Variants in JADE3 observed in about 807,000 individuals in gnomAD.
JADE3 encodes the protein jade family PHD finger 3.
JADE3 carries 2 observed loss-of-function variants against 50.1 expected under a neutral mutation model. The observed-to-expected ratio is 0.04, with a 90% CI of 0.02 to 0.13. JADE3 has a LOEUF of 0.13. Ranked by LOEUF, JADE3 falls within the 10% of genes least tolerant of loss-of-function variation. The pLI is 1.00. For missense variants in JADE3, 475 were observed against 634.4 expected (o/e 0.75, Z 2.70); for synonymous variants, 218 against 232.9 (o/e 0.94, Z 0.58).
chrX:46,953,612 A>C (rs1309529266), intron 1 of JADE3, among the ~76,000 whole-genome samples: 4 of 111,914 alleles, frequency 3.6e-5, no homozygotes, highest in Non-Finnish European at 7.5e-5. Flanking sequence ...AAGTATTTAT[A>C]TCTCTGAAAT....
intron 7 of JADE3, among the ~76,000 whole-genome samples, chrX:47,038,603 A>G (rs933751863): frequency 4.8e-5 from 5 of 103,839 alleles, no homozygotes; most frequent in Admixed American, 3.2e-4. Context: ...GTAGTAAGCC[A>G]TGATTGCACC....
At chrX:46,970,986 ATTTAC>A (rs1396099175) in intron 1 of JADE3, among the ~76,000 whole-genome samples, 8 of 110,278 alleles carry the variant, frequency 7.3e-5, no homozygotes, top group African/African-American at 2.7e-4. Context: ...TCTCTTATTG[ATTTAC>A]TTTACTCTTA....
chrX:47,029,167 G>A (rs1456658865), intron 6 of JADE3, among the ~76,000 whole-genome samples: 1 of 111,675 alleles, frequency 9.0e-6, no homozygotes, highest in African/African-American at 3.3e-5. Context: ...AGCATCATAT[G>A]CCAAGTGTTT....
At chrX:46,941,154 A>G (rs1926744763) in intron 1 of JADE3, among the ~76,000 whole-genome samples, 1 of 110,238 alleles carries the variant, frequency 9.1e-6, no homozygotes, top group Non-Finnish European at 1.9e-5. Flanking sequence ...GCTCCTGCTT[A>G]TAGACGACAA....
rs1271674612 is a variant in JADE3, at chrX:47,058,871, G to A, written c.2266G>A (p.Ala756Thr). 8.3e-7 allele frequency: 1 copy of A among 1,209,392 alleles called. No homozygotes were observed. The highest frequency in any genetic ancestry group is 1.7e-5 in the African/African-American group (1 of 57,224). The change falls in exon 11 of 11, where the codon GCA becomes ACA. Residue 756 changes from alanine to threonine, a missense_variant. Around this residue, in one of 6 missense-constraint regions of JADE3, gnomAD observed 243 missense variants for 238.2 expected, o/e 1.02. Transcript: ENST00000614628. ...FWGRQVLRRS[A>T]GRAPYQENDG... The stretch of plus-strand genomic sequence containing the variant: ...GGGTAGACAGGTTCTCAGGCGGTCT[G>A]CAGGGAGAGCTCCATATCAGGAAAA...
intron 1 of JADE3, among the ~76,000 whole-genome samples, chrX:46,969,712 C>G (rs1455445254): frequency 9.0e-6 from 1 of 111,202 alleles, no homozygotes; most frequent in Non-Finnish European, 1.9e-5. Context: ...TGGCAGGCAC[C>G]CAGCTACTCA....
At chrX:47,054,891 C>A (rs1556373089) in intron 9 of JADE3, among the ~76,000 whole-genome samples, 1 of 111,865 alleles carries the variant, frequency 8.9e-6, no homozygotes, top group Non-Finnish European at 1.9e-5. Context: ...TTTTTATTCA[C>A]TGTTGAGCCT....
intron 3 of JADE3, among the ~76,000 whole-genome samples, chrX:46,997,165 A>G (rs1302153584): frequency 1.8e-5 from 2 of 111,597 alleles, no homozygotes; most frequent in African/African-American, 6.5e-5. Flanking sequence ...ATAGTAGTTT[A>G]GCAAATTGGA....
chrX:47,058,028 A>G, intron 10 of JADE3, 139 bp from the exon 11 acceptor site: 1 of 515,919 alleles, frequency 1.9e-6, no homozygotes, highest in Non-Finnish European at 3.2e-6. Flanking sequence ...TCCAGCTGCT[A>G]CACCATGATA....
intron 4 of JADE3, among the ~76,000 whole-genome samples, chrX:47,018,173 A>T (rs1928714796): frequency 9.0e-6 from 1 of 110,699 alleles, no homozygotes; most frequent in South Asian, 3.8e-4. Context: ...GTATTTGGTC[A>T]TCTAGGCCCC....
At chrX:47,039,125 C>A in intron 8 of JADE3, 60 bp downstream of exon 8, 1 of 575,026 alleles carries the variant, frequency 1.7e-6, no homozygotes, top group Non-Finnish European at 2.9e-6. Flanking sequence ...ACTCACCCTC[C>A]CAGTGAGAGT....
At chrX:46,947,091 C>G in intron 1 of JADE3, among the ~76,000 whole-genome samples, 1 of 112,011 alleles carries the variant, frequency 8.9e-6, no homozygotes, top group Non-Finnish European at 1.9e-5. Context: ...ACAATCTCAG[C>G]TCACTGCAAC....
intron 1 of JADE3, among the ~76,000 whole-genome samples, chrX:46,941,698 A>G (rs1002339749): frequency 5.7e-5 from 6 of 105,908 alleles, no homozygotes; most frequent in Non-Finnish European, 9.7e-5. Context: ...CCACTTGTAT[A>G]TGACTTCTTT....
rs1556375101 is a variant in JADE3 at position 47,060,782 on chromosome X, G to A, written c.*1705G>A. 1 of 111,927 alleles carries A rather than the reference G, an allele frequency of 8.9e-6. No individual in the cohort carries two copies. The highest frequency in any genetic ancestry group is 1.9e-5 in the Non-Finnish European group (1 of 53,213). 9.2% of individuals were successfully genotyped at this position (111,927 alleles called of 1,213,427 possible). Reference sequence around the variant, plus strand: ...CTAGGTTTCTGTGCTTTTTCTTTGAGTTCTCTGGAGTAGATATTAATTTGA... The same window carrying A: ...CTAGGTTTCTGTGCTTTTTCTTTGAATTCTCTGGAGTAGATATTAATTTGA... On this transcript the variant is annotated 3_prime_UTR_variant, in exon 11 of 11. Transcript: ENST00000614628.
rs3788807 is a variant in JADE3 at position 47,000,840 on chromosome X, C to T, written c.284+2563C>T. The stretch of plus-strand genomic sequence containing the variant: ...TGCTAGAATTAAATGTGTGAGCCCC[C>T]GCCCTCAGCCTAAGAACAACAGTAA... On this transcript the variant is annotated intron_variant, in intron 4 of 10. Coordinates refer to ENST00000614628, the MANE Select transcript of JADE3 (RefSeq NM_014735.5). Among the ~76,000 whole-genome samples the T allele has an allele frequency of 4.8e-4, 54 of 111,956 alleles. No individual in the cohort carries two copies. The East Asian group carries it at 0.015, about 30-fold the overall frequency.
intron 4 of JADE3, among the ~76,000 whole-genome samples, chrX:47,009,153 T>C (rs1480932188): frequency 9.1e-6 from 1 of 110,197 alleles, no homozygotes; most frequent in Non-Finnish European, 1.9e-5. Flanking sequence ...TGAGACCTCG[T>C]CTCTACAAAA....
At chrX:46,953,161 T>C (rs189010448) in intron 1 of JADE3, among the ~76,000 whole-genome samples, 2 of 110,793 alleles carry the variant, frequency 1.8e-5, no homozygotes, top group Non-Finnish European at 3.8e-5. Context: ...TTCTAGACAT[T>C]AGAAAGGGGA....
chrX:46,957,855 A>G (rs144032570), intron 1 of JADE3, among the ~76,000 whole-genome samples: 1 of 111,852 alleles, frequency 8.9e-6, no homozygotes, highest in African/African-American at 3.2e-5. Flanking sequence ...ATTGATGGAA[A>G]CCTAACTACT....
chrX:47,032,923 G>A (rs184246362), intron 6 of JADE3, among the ~76,000 whole-genome samples: 212 of 111,307 alleles, frequency 1.9e-3, no homozygotes, highest in Non-Finnish European at 3.4e-3. Context: ...GCAAAATTGG[G>A]GATAGCAAAA....
Sources: gnomAD v4.1 joint callset for allele counts (sites outside exome capture counted in the v4.1 genomes callset) on GRCh38, gnomAD v4.1.1 for gene constraint, gnomAD v4.1.1 regional missense constraint, MANE v1.5 for transcripts, NCBI Gene and HGNC (gene_info 2026-07-23, HGNC 2026-07-21) for gene names.